Variants in FAF1 observed in about 807,000 individuals in gnomAD.
FAF1 encodes the protein Fas associated factor 1.
In FAF1, 25 loss-of-function variants were observed where a neutral mutation model predicts 92.5. The observed-to-expected ratio is 0.27, with a 90% confidence interval of 0.20 to 0.38. The LOEUF (loss-of-function observed/expected upper bound fraction) is 0.38. FAF1 is among the 10% of genes least tolerant of loss of function. FAF1 has a pLI of 1.00. For missense variants in FAF1, 636 were observed against 793.3 expected, an observed-to-expected ratio of 0.80 and a Z score of 2.38; for synonymous variants, 234 against 273.2, an observed-to-expected ratio of 0.86 and a Z score of 1.42.
chr1:50,743,889 G>T (rs897526641), intron 5 of FAF1, among the ~76,000 whole-genome samples: 30 of 151,786 alleles, frequency 2.0e-4, no homozygotes. Flanking sequence ...TGGCCAACAT[G>T]GTGAAACCTC....
intron 18 of FAF1, among the ~76,000 whole-genome samples, chr1:50,449,857 A>G (rs546887236): frequency 5.7e-4 from 87 of 152,128 alleles, no homozygotes; most frequent in African/African-American, 2.1e-3. Context: ...ACATGCTATT[A>G]AATATCAGAA....
At chr1:50,735,700 T>A (rs1659109873) in intron 6 of FAF1, among the ~76,000 whole-genome samples, 1 of 152,164 alleles carries the variant, frequency 6.6e-6, no homozygotes, top group Non-Finnish European at 1.5e-5. Flanking sequence ...CAGTGAACAA[T>A]TTAATAACTA....
intron 4 of FAF1, among the ~76,000 whole-genome samples, chr1:50,767,616 G>A (rs1437145679): frequency 6.6e-6 from 1 of 152,152 alleles, no homozygotes; most frequent in African/African-American, 2.4e-5. Flanking sequence ...TGTACCTTTT[G>A]GCAGAAAACC....
intron 7 of FAF1, among the ~76,000 whole-genome samples, chr1:50,679,321 T>C (rs931291487): frequency 9.1e-6 from 1 of 109,844 alleles, no homozygotes; most frequent in Non-Finnish European, 1.9e-5. Context: ...AAAAAAAAAG[T>C]ACAAAAAAAA....
At chr1:50,795,020 T>C (rs1661695022) in intron 3 of FAF1, among the ~76,000 whole-genome samples, 1 of 152,194 alleles carries the variant, frequency 6.6e-6, no homozygotes, top group African/African-American at 2.4e-5. Flanking sequence ...TAAGAAGACA[T>C]TGTTCAGTCA....
At chr1:50,746,159 T>C (rs1659576488) in intron 4 of FAF1, among the ~76,000 whole-genome samples, 2 of 149,562 alleles carry the variant, frequency 1.3e-5, no homozygotes, top group Admixed American at 6.7e-5. Flanking sequence ...GGAAGAAATT[T>C]CTAAGGAACA....
chr1:50,667,784 C>A (rs145696905), intron 7 of FAF1, among the ~76,000 whole-genome samples: 13 of 152,000 alleles, frequency 8.6e-5, no homozygotes, highest in Non-Finnish European at 1.2e-4. Context: ...ATTTTTTTTC[C>A]TTGAAGAAAA....
intron 1 of FAF1, among the ~76,000 whole-genome samples, chr1:50,930,071 A>G (rs1645036661): frequency 6.6e-6 from 1 of 152,244 alleles, no homozygotes; most frequent in Admixed American, 6.5e-5. Context: ...CCAAAATGTT[A>G]GCAAATTAAC....
In FAF1 at chr1:50,661,362, T is replaced by C. The variant is rs141277326; in HGVS notation, c.658-5834A>G. 1.2e-4 allele frequency among the ~76,000 whole-genome samples: 18 copies of C among 152,308 alleles called. No individual in the cohort carries two copies. The East Asian group carries it at 3.3e-3, about 28-fold the overall frequency. ...TCTCAACATTTAAAATTTTTTGAAA[T>C]CTGGCCCACGATTCTTCACATATCA... On this transcript the variant is annotated intron_variant, in intron 7 of 18. Coordinates refer to ENST00000396153, the MANE Select transcript of FAF1 (RefSeq NM_007051.3).
At chr1:50,660,144 T>C (rs1655308947) in intron 7 of FAF1, among the ~76,000 whole-genome samples, 1 of 152,228 alleles carries the variant, frequency 6.6e-6, no homozygotes, top group East Asian at 1.9e-4. Flanking sequence ...ACTTTTCTTT[T>C]GATTCATTTA....
At chr1:50,519,258 G>A (rs1647361281) in intron 15 of FAF1, among the ~76,000 whole-genome samples, 1 of 151,752 alleles carries the variant, frequency 6.6e-6, no homozygotes, top group Non-Finnish European at 1.5e-5. Context: ...TGAACCAGGA[G>A]GCGGAGGTTG....
intron 13 of FAF1, among the ~76,000 whole-genome samples, chr1:50,548,006 C>G (rs1649118289): frequency 6.6e-6 from 1 of 152,164 alleles, no homozygotes; most frequent in Admixed American, 6.5e-5. Flanking sequence ...ACATCTAATT[C>G]AATCTCTTAT....
chr1:50,725,708 C>T (rs141140231), intron 6 of FAF1, among the ~76,000 whole-genome samples: 2,056 of 152,226 alleles, frequency 0.014, 43 homozygotes, highest in African/African-American at 0.045. Context: ...CACCCTCCTC[C>T]GCCTCCTAAA....
intron 13 of FAF1, among the ~76,000 whole-genome samples, chr1:50,554,386 TATATAGAGAGAG>T (rs1355748649): frequency 1.0e-5 from 1 of 99,498 alleles, no homozygotes; most frequent in East Asian, 2.6e-4. Flanking sequence ...TATATATATA[TATATAGAGAGAG>T]AGAGAGAGAG....
intron 11 of FAF1, 110 bp from the exon 12 acceptor site, chr1:50,582,809 T>C (rs962281668): frequency 1.6e-5 from 11 of 674,594 alleles, no homozygotes; most frequent in African/African-American, 1.4e-4. Flanking sequence ...GTCTAGTGCA[T>C]ACTAAACATA....
chr1:50,632,646 G>A (rs1480373503), intron 8 of FAF1, among the ~76,000 whole-genome samples: 1 of 152,146 alleles, frequency 6.6e-6, no homozygotes, highest in East Asian at 1.9e-4. Flanking sequence ...ATTTGGGGTA[G>A]TGTCTCCGAT....
intron 7 of FAF1, among the ~76,000 whole-genome samples, chr1:50,669,705 A>G (rs1292823523): frequency 2.6e-5 from 4 of 152,398 alleles, no homozygotes; most frequent in East Asian, 1.9e-4. Context: ...GTAATAATCT[A>G]TAAGAGCAAA....
At chr1:50,587,456 AT>A (rs1165212032) in intron 9 of FAF1, among the ~76,000 whole-genome samples, 1 of 152,150 alleles carries the variant, frequency 6.6e-6, no homozygotes, top group Non-Finnish European at 1.5e-5. Flanking sequence ...GTCTCTTCAT[AT>A]TTTTTTATCA....
intron 1 of FAF1, among the ~76,000 whole-genome samples, chr1:50,874,087 C>A (rs1644550568): frequency 6.6e-6 from 1 of 152,118 alleles, no homozygotes. Context: ...TGCAATGACA[C>A]TGATTTCCCT....
Sources: gnomAD v4.1 joint callset for allele counts (sites outside exome capture counted in the v4.1 genomes callset) on GRCh38, gnomAD v4.1.1 for gene constraint, MANE v1.5 for transcripts, NCBI Gene and HGNC (gene_info 2026-07-23, HGNC 2026-07-21) for gene names.